Variants in FNBP1 observed in about 807,000 individuals in gnomAD.
The protein encoded by FNBP1 is formin binding protein 1.
In FNBP1, 26 loss-of-function variants were observed where a neutral mutation model predicts 90.6. That is an observed-to-expected ratio of 0.29 (90% CI 0.21 to 0.40). The LOEUF (loss-of-function observed/expected upper bound fraction) is 0.40, where lower values mean the gene tolerates loss of function less well. Among genes scored for constraint, FNBP1 ranks in the 10% least tolerant of loss-of-function variants. The probability of loss-of-function intolerance (pLI) is 1.00; values close to 1 mark genes in which losing one functional copy is unlikely to be tolerated. For synonymous variants in FNBP1, 260 were observed against 265.2 expected (o/e 0.98, Z 0.19); for missense variants, 635 against 768.0 (o/e 0.83, Z 2.05).
At chr9:129,947,454 A>T (rs1360999096) in intron 6 of FNBP1, among the ~76,000 whole-genome samples, 1 of 148,510 alleles carries the variant, frequency 6.7e-6, no homozygotes, top group Admixed American at 6.7e-5. Context: ...AAAAAAAAAG[A>T]AAAGAAAAAA....
At chr9:130,020,370 C>T (rs889639779) in intron 1 of FNBP1, among the ~76,000 whole-genome samples, 6 of 151,998 alleles carry the variant, frequency 3.9e-5, no homozygotes, top group Non-Finnish European at 5.9e-5. Flanking sequence ...CCACCACGCC[C>T]GGCTAATTTT....
chr9:130,003,168 C>A (rs1365453750), intron 1 of FNBP1, among the ~76,000 whole-genome samples: 1 of 151,788 alleles, frequency 6.6e-6, no homozygotes, highest in East Asian at 1.9e-4. Context: ...AATAAAAACC[C>A]AAAAATTGGC....
chr9:130,012,610 C>T (rs982599416), intron 1 of FNBP1, among the ~76,000 whole-genome samples: 1 of 151,984 alleles, frequency 6.6e-6, no homozygotes. Flanking sequence ...TCTTTTGGAT[C>T]CTGAGGTAGG....
intron 16 of FNBP1, among the ~76,000 whole-genome samples, chr9:129,892,604 T>A (rs1162798456): frequency 6.6e-6 from 1 of 152,208 alleles, no homozygotes; most frequent in Non-Finnish European, 1.5e-5. Flanking sequence ...AGTGTAACTT[T>A]CAAATAAAAG....
chr9:129,982,021 T>C (rs1030857338), intron 2 of FNBP1, among the ~76,000 whole-genome samples: 3 of 152,218 alleles, frequency 2.0e-5, no homozygotes, highest in Non-Finnish European at 2.9e-5. Flanking sequence ...TAATTCTAGA[T>C]GCAAAATAAT....
chr9:129,944,256 A>C (rs1447165700), intron 6 of FNBP1, among the ~76,000 whole-genome samples: 4 of 151,972 alleles, frequency 2.6e-5, no homozygotes, highest in Non-Finnish European at 5.9e-5. Flanking sequence ...GAATGTTAAA[A>C]ATATGGCCGG....
At chr9:129,930,919 A>G (rs558376934) in intron 6 of FNBP1, among the ~76,000 whole-genome samples, 6 of 152,292 alleles carry the variant, frequency 3.9e-5, no homozygotes, top group African/African-American at 1.2e-4. Flanking sequence ...CCAGAAACAC[A>G]ACAGGAAATA....
At chr9:129,912,690 C>A (rs150667288) in intron 11 of FNBP1, among the ~76,000 whole-genome samples, 679 of 108,026 alleles carry the variant, frequency 6.3e-3, no homozygotes, top group South Asian at 7.9e-3. Flanking sequence ...AACTCCATCT[C>A]AAAAAAAAAA....
chr9:129,914,521 T>TA (rs1406486612), intron 11 of FNBP1, among the ~76,000 whole-genome samples: 2 of 151,898 alleles, frequency 1.3e-5, no homozygotes, highest in African/African-American at 4.8e-5. Flanking sequence ...GAAGGCCTCC[T>TA]AGTCAATAGA....
At chr9:130,009,440 T>C (rs1438662119) in intron 1 of FNBP1, among the ~76,000 whole-genome samples, 1 of 152,088 alleles carries the variant, frequency 6.6e-6, no homozygotes, top group African/African-American at 2.4e-5. Context: ...GGCAAGCGGA[T>C]CACTTGAGGT....
rs869295561 is a variant in FNBP1, at chr9:129,892,405, AC to A, written c.1847-1860del. On this transcript the variant is annotated intron_variant, in intron 16 of 16. Coordinates refer to ENST00000446176, the MANE Select transcript of FNBP1 (RefSeq NM_015033.3). ...CACACACACACACACACACACACAC[AC>A]ACACACACACAAAAAGGTTGACCGG... is the stretch of plus-strand genomic sequence containing the variant. Among the ~76,000 whole-genome samples the A allele has an allele frequency of 4.7e-3, 688 of 147,882 alleles. 9 individuals are homozygous for A. The highest frequency in any genetic ancestry group is 0.012 in the African/African-American group (467 of 40,016).
In FNBP1 at chr9:129,900,303, A is replaced by G. The variant is rs2036660651; in HGVS notation, c.1550+123T>C. Reference sequence around the variant, plus strand: ...GCATCATGGAAAAAGTGACAGGTCAATCGCAACAGACATTTTGGCATTGAA... The same window carrying G: ...GCATCATGGAAAAAGTGACAGGTCAGTCGCAACAGACATTTTGGCATTGAA... On this transcript the variant is annotated intron_variant, in intron 14 of 16. Transcript: ENST00000446176. This position sits in a 1 kb window ranked among gnomAD's most constrained non-coding sequence, Gnocchi z 4.1. 4 of 1,183,640 alleles carry G rather than the reference A, an allele frequency of 3.4e-6. No individual in the cohort carries two copies. The South Asian group carries it at 7.3e-5, about 21-fold the overall frequency. 73.3% of individuals were successfully genotyped at this position (1,183,640 alleles called of 1,614,324 possible).
chr9:129,939,046 C>T (rs1165998347), intron 6 of FNBP1, among the ~76,000 whole-genome samples: 8 of 152,178 alleles, frequency 5.3e-5, no homozygotes, highest in South Asian at 4.2e-4. Context: ...GGCATGATCT[C>T]GGCTCACTGC....
intron 6 of FNBP1, among the ~76,000 whole-genome samples, chr9:129,948,531 AT>A (rs2045692735): frequency 6.9e-6 from 1 of 144,682 alleles, no homozygotes; most frequent in South Asian, 2.2e-4. Flanking sequence ...CATTCAGCTC[AT>A]TTTTTGTATT....
At chr9:130,053,055 G>A in the FNBP1 span, among the ~76,000 whole-genome samples, 25 of 152,278 alleles carry the variant, frequency 1.6e-4, no homozygotes, top group Non-Finnish European at 2.9e-4. Flanking sequence ...GGCGGAGGTT[G>A]CAGTGAGCTG....
Position 129,900,570 on chromosome 9 carries a change from A to C in FNBP1, c.1429-23T>G, listed in dbSNP as rs778380891. ...GGCCTGGAGACAAAAGCAATGAGAG[A>C]CTCCAACCTAAGGCCATCTGAGGGT... On this transcript the variant is annotated intron_variant, in intron 13 of 16. Coordinates refer to ENST00000446176, the MANE Select transcript of FNBP1 (RefSeq NM_015033.3). The surrounding 1 kb of genome is among the most constrained non-coding windows in gnomAD (Gnocchi z 4.1). The C allele has an allele frequency of 1.3e-6, 2 of 1,511,126 alleles. No individual in the cohort carries two copies. The highest frequency in any genetic ancestry group is 1.3e-5 in the South Asian group (1 of 75,704). The allele number at this position is 1,511,126 out of a possible 1,614,324, so 93.6% of individuals were successfully genotyped here.
At chr9:129,927,048 C>T (rs1041520788) in intron 8 of FNBP1, 147 bp downstream of exon 8, 4 of 671,084 alleles carry the variant, frequency 6.0e-6, no homozygotes, top group African/African-American at 5.4e-5. Flanking sequence ...AGGAATTATA[C>T]AGCTAAATCC....
rs2034988778 is a variant in FNBP1, at chr9:129,890,398, G to GGAGGGA, written c.*140_*141insTCCCTC. ...AGGGCAGGGCCGCAGGGAGCATGCT[G>GGAGGGA]GAGAGAGAGAGAGACCGCCCCGCAG... On this transcript the variant is annotated 3_prime_UTR_variant, in exon 17 of 17. Coordinates refer to ENST00000446176, the MANE Select transcript of FNBP1 (RefSeq NM_015033.3). This position sits in a 1 kb window ranked among gnomAD's most constrained non-coding sequence, Gnocchi z 5.8. 1.8e-5 allele frequency: 10 copies of GGAGGGA among 558,354 alleles called. 1 individual carries two copies. The South Asian group carries it at 2.1e-4, about 12-fold the overall frequency. The allele number at this position is 558,354 out of a possible 1,614,324, so 34.6% of individuals were successfully genotyped here. A position where few individuals can be genotyped will look rare whatever the true frequency, so the allele number is the denominator to read the frequency against.
intron 11 of FNBP1, among the ~76,000 whole-genome samples, chr9:129,914,755 G>GTGTATGTATATATA (rs71499203): frequency 1.0e-5 from 1 of 98,434 alleles, no homozygotes; most frequent in East Asian, 3.9e-4. Flanking sequence ...ACATACATAT[G>GTGTATGTATATATA]TCTATATATA....
Sources: allele counts gnomAD v4.1 joint callset (sites outside exome capture counted in the v4.1 genomes callset), GRCh38; gene constraint gnomAD v4.1.1; non-coding constraint Gnocchi (gnomAD v3.1); transcripts MANE v1.5; gene names NCBI Gene and HGNC (gene_info 2026-07-23, HGNC 2026-07-21).